Variants in ADGRG6 observed in about 807,000 individuals in gnomAD.
The protein encoded by ADGRG6 is G-protein coupled receptor 126.
In ADGRG6, 84 loss-of-function variants were observed where a neutral mutation model predicts 142.4. The ratio of observed to expected loss-of-function variants is 0.59; its 90% CI spans 0.49 to 0.71. ADGRG6 has a LOEUF of 0.71. ADGRG6 is among the 30% of genes least tolerant of loss of function. The pLI, the probability that ADGRG6 is intolerant of heterozygous loss-of-function variation, is 0.00. For synonymous variants in ADGRG6, 521 were observed against 520.5 expected (o/e 1.00, Z -0.01); for missense variants, 1,367 against 1,466.6 (o/e 0.93, Z 1.11).
intron 22 of ADGRG6, among the ~76,000 whole-genome samples, chr6:142,423,576 T>A (rs1394915131): frequency 6.1e-5 from 9 of 147,526 alleles, no homozygotes; most frequent in Non-Finnish European, 1.2e-4. Context: ...ACTGTAGCCT[T>A]GTAGTATAGT....
chr6:142,413,670 G>A (rs1776206646), intron 18 of ADGRG6, among the ~76,000 whole-genome samples: 1 of 152,100 alleles, frequency 6.6e-6, no homozygotes, highest in Non-Finnish European at 1.5e-5. Context: ...TAGCCTATCT[G>A]TGAATCAAGT....
chr6:142,327,026 C>T (rs1778811630), intron 2 of ADGRG6, among the ~76,000 whole-genome samples: 1 of 151,848 alleles, frequency 6.6e-6, no homozygotes, highest in African/African-American at 2.4e-5. Context: ...TGAAAGTACC[C>T]AAGATAATTT....
At chr6:142,395,414 G>T (rs958625371) in intron 9 of ADGRG6, among the ~76,000 whole-genome samples, 2 of 151,260 alleles carry the variant, frequency 1.3e-5, no homozygotes, top group African/African-American at 4.9e-5. Flanking sequence ...CCCTGGGTTT[G>T]GTAGATATAG....
chr6:142,420,659 CAGTT>C (rs145750394), intron 22 of ADGRG6, among the ~76,000 whole-genome samples: 2,744 of 152,188 alleles, frequency 0.018, 85 homozygotes, highest in African/African-American at 0.063. Context: ...GAACATTTCA[CAGTT>C]AGTTCAACAA....
At chr6:142,357,614 CAAATT>C (rs1780512340) in intron 2 of ADGRG6, among the ~76,000 whole-genome samples, 1 of 152,112 alleles carries the variant, frequency 6.6e-6, no homozygotes, top group African/African-American at 2.4e-5. Context: ...TTTATGCCCT[CAAATT>C]AAAGGCCCGT....
Position 142,367,769 on chromosome 6 carries a change from G to T in ADGRG6, c.304G>T (p.Asp102Tyr). Residue 102 changes from aspartate (D) to tyrosine (Y), a missense_variant, in exon 3 of 25, where the codon GAT becomes TAT. Asp to Tyr is a radical substitution (Grantham distance 160, BLOSUM62 -3). Coordinates refer to ENST00000367609, the MANE Select transcript of ADGRG6 (RefSeq NM_198569.3). ...TTGCATTTATGACTCATTATCCCTT[G>T]ATAATGGAGAGAGCCAGACTAAATT... ...PNCIYDSLSL[D>Y]NGESQTKFCG... The T allele has an allele frequency of 6.2e-7, 1 of 1,613,820 alleles. No homozygotes were observed. The highest frequency in any genetic ancestry group is 8.5e-7 in the Non-Finnish European group (1 of 1,179,776).
chr6:142,306,781 GA>G (rs754118406), intron 1 of ADGRG6, among the ~76,000 whole-genome samples: 2 of 152,142 alleles, frequency 1.3e-5, no homozygotes, highest in Non-Finnish European at 2.9e-5. Flanking sequence ...AAATCTCAGG[GA>G]TATATCTTTG....
intron 22 of ADGRG6, among the ~76,000 whole-genome samples, chr6:142,437,067 T>C (rs867894524): frequency 2.0e-5 from 3 of 152,248 alleles, no homozygotes; most frequent in African/African-American, 7.2e-5. Flanking sequence ...TCTCTTTTGT[T>C]AAAATATGTA....
At chr6:142,360,933 T>G (rs368155769) in intron 2 of ADGRG6, among the ~76,000 whole-genome samples, 1 of 152,248 alleles carries the variant, frequency 6.6e-6, no homozygotes, top group Non-Finnish European at 1.5e-5. Flanking sequence ...ATTACAGGCA[T>G]GAGCCACTGC....
At chr6:142,355,812 G>T (rs1252473883) in intron 2 of ADGRG6, among the ~76,000 whole-genome samples, 2 of 151,968 alleles carry the variant, frequency 1.3e-5, no homozygotes, top group Non-Finnish European at 2.9e-5. Context: ...TTTTTCTGAA[G>T]TTTAAAAATA....
At chr6:142,327,507 C>T (rs1274046714) in intron 2 of ADGRG6, among the ~76,000 whole-genome samples, 1 of 152,036 alleles carries the variant, frequency 6.6e-6, no homozygotes, top group African/African-American at 2.4e-5. Flanking sequence ...GGAAGATAAG[C>T]TACTAGATAT....
intron 10 of ADGRG6, among the ~76,000 whole-genome samples, chr6:142,399,316 A>G (rs1420470158): frequency 6.6e-6 from 1 of 152,218 alleles, no homozygotes; most frequent in Non-Finnish European, 1.5e-5. Context: ...GTACACCGTT[A>G]CAAAGAACTC....
chr6:142,360,301 A>G (rs1458751969), intron 2 of ADGRG6, among the ~76,000 whole-genome samples: 1 of 152,242 alleles, frequency 6.6e-6, no homozygotes, highest in Non-Finnish European at 1.5e-5. Context: ...TATGGTGCTC[A>G]GTAGCACATG....
At chr6:142,409,241 C>T (rs1427786940) in intron 16 of ADGRG6, among the ~76,000 whole-genome samples, 2 of 152,054 alleles carry the variant, frequency 1.3e-5, no homozygotes, top group Non-Finnish European at 2.9e-5. Flanking sequence ...CTCTAAGTAC[C>T]TCATATAAGT....
rs1776574282 is a variant in ADGRG6 at position 142,419,898 on chromosome 6, C to T, written c.3113C>T (p.Ala1038Val). The T allele has an allele frequency of 1.2e-6, 2 of 1,612,588 alleles. No individual in the cohort carries two copies. Among genetic ancestry groups the T allele is most frequent in the South Asian group, 1.1e-5 (1 of 91,056 alleles). ...GGAGTCATGTTTTTTCTGAACATTG[C>T]CATGTTCATTGTGGTAATGGTGCAG... ...YFGVMFFLNIAMFIVVMVQIC... is the reference protein window; with the variant it reads ...YFGVMFFLNIVMFIVVMVQIC... Residue 1038 changes from alanine (A) to valine (V), a missense_variant, in exon 22 of 25, where the codon GCC becomes GTC. Transcript: ENST00000367609.
chr6:142,304,253 T>A (rs1777372631), intron 1 of ADGRG6, among the ~76,000 whole-genome samples: 1 of 152,230 alleles, frequency 6.6e-6, no homozygotes, highest in Non-Finnish European at 1.5e-5. Context: ...AAGTGTATTT[T>A]CTGCCTCCTC....
chr6:142,398,268 T>G (rs773425900), intron 10 of ADGRG6, among the ~76,000 whole-genome samples: 3 of 152,066 alleles, frequency 2.0e-5, no homozygotes, highest in Non-Finnish European at 2.9e-5. Context: ...TACGAAAGAT[T>G]AAGAAATTAG....
chr6:142,352,366 G>A (rs1051293290), intron 2 of ADGRG6, among the ~76,000 whole-genome samples: 1 of 152,164 alleles, frequency 6.6e-6, no homozygotes, highest in African/African-American at 2.4e-5. Context: ...TGTAGGTACA[G>A]CAAACCAAAA....
At chr6:142,425,868 AAG>A (rs1257623283) in intron 22 of ADGRG6, among the ~76,000 whole-genome samples, 1 of 152,176 alleles carries the variant, frequency 6.6e-6, no homozygotes, top group Non-Finnish European at 1.5e-5. Flanking sequence ...GCGGTAGGCA[AAG>A]AGAGAGTTTG....
Sources: gnomAD v4.1 joint callset for allele counts (sites outside exome capture counted in the v4.1 genomes callset) on GRCh38, gnomAD v4.1.1 for gene constraint, MANE v1.5 for transcripts, NCBI Gene and HGNC (gene_info 2026-07-23, HGNC 2026-07-21) for gene names.